BEAN1: variants seen among roughly 807,000 people sequenced by gnomAD.
The protein encoded by BEAN1 is protein BEAN1.
BEAN1 carries 17 observed loss-of-function variants against 17.7 expected under a neutral mutation model. The ratio of observed to expected loss-of-function variants is 0.96; its 90% confidence interval spans 0.66 to 1.44. The LOEUF is 1.44. Ranked by LOEUF, BEAN1 falls within the 40% of genes most tolerant of loss-of-function variation. The pLI is 0.00. For missense variants in BEAN1, 359 were observed against 374.1 expected (o/e 0.96, Z 0.33); for synonymous variants, 142 against 151.8 (o/e 0.94, Z 0.47).
At chr16:66,479,850 T>A (rs574428655) in intron 4 of BEAN1, among the ~76,000 whole-genome samples, 1 of 151,802 alleles carries the variant, frequency 6.6e-6, no homozygotes, top group East Asian at 2.0e-4. Flanking sequence ...CCCACAGGAG[T>A]GGCTGTGTCC....
chr16:66,474,642 G>A (rs1469421602), intron 3 of BEAN1, among the ~76,000 whole-genome samples: 2 of 64,620 alleles, frequency 3.1e-5, no homozygotes, highest in Non-Finnish European at 3.0e-5. Context: ...GGGAGGGAGG[G>A]AGGGAGGGGA....
intron 3 of BEAN1, among the ~76,000 whole-genome samples, chr16:66,474,581 A>AAGGGAGGGAGG (rs1963628637): frequency 6.0e-5 from 1 of 16,710 alleles, no homozygotes; most frequent in Non-Finnish European, 9.4e-5. Context: ...AGGGAGGGAG[A>AAGGGAGGGAGG]GAGGGAGGGA....
At chr16:66,472,341 G>T (rs764870715) in intron 3 of BEAN1, among the ~76,000 whole-genome samples, 8 of 152,370 alleles carry the variant, frequency 5.3e-5, no homozygotes, top group Non-Finnish European at 1.5e-5. Flanking sequence ...TGGAGGAAGC[G>T]CTCCATGGGC....
chr16:66,447,015 G>A (rs1342795060), intron 2 of BEAN1, among the ~76,000 whole-genome samples: 1 of 152,164 alleles, frequency 6.6e-6, no homozygotes, highest in Non-Finnish European at 1.5e-5. Context: ...CACACCTGTA[G>A]TCTCAGCACT....
intron 2 of BEAN1, among the ~76,000 whole-genome samples, chr16:66,440,877 C>T (rs942777176): frequency 5.3e-5 from 8 of 152,122 alleles, no homozygotes; most frequent in African/African-American, 1.7e-4. Flanking sequence ...TGGTTTGGGG[C>T]GCTCAAGTCA....
intron 1 of BEAN1, chr16:66,428,342 G>C (rs1961662375): frequency 6.6e-6 from 1 of 152,494 alleles, no homozygotes; most frequent in Admixed American, 6.5e-5. Flanking sequence ...CAAGTAACTG[G>C]TGTGAGAGGC....
At chr16:66,466,220 G>A (rs1440650358) in intron 2 of BEAN1, among the ~76,000 whole-genome samples, 1 of 152,188 alleles carries the variant, frequency 6.6e-6, no homozygotes, top group Non-Finnish European at 1.5e-5. Flanking sequence ...ACTTGAACCT[G>A]GGAGGCAGAG....
intron 2 of BEAN1, among the ~76,000 whole-genome samples, chr16:66,441,077 C>A (rs375346485): frequency 6.6e-6 from 1 of 152,212 alleles, no homozygotes; most frequent in Admixed American, 6.5e-5. Context: ...TTCACTTGTT[C>A]GTGCCGCCAG....
intron 1 of BEAN1, among the ~76,000 whole-genome samples, chr16:66,433,734 G>C (rs887946559): frequency 3.9e-5 from 6 of 152,236 alleles, no homozygotes; most frequent in African/African-American, 1.4e-4. Context: ...GGCAGCAACT[G>C]AGCAGAGGCT....
chr16:66,434,823 A>T lies in BEAN1; in HGVS notation c.-82-2772A>T, dbSNP rs1238531375. Reference sequence around the variant, plus strand: ...CTCCACCCCTCAGTCGTGCGCTTGCATCAGGCTGAGGTTGGCTTGCTCTAG... The same window carrying T: ...CTCCACCCCTCAGTCGTGCGCTTGCTTCAGGCTGAGGTTGGCTTGCTCTAG... On this transcript the variant is annotated intron_variant, in intron 1 of 4. Transcript: ENST00000536005. This position sits in a 1 kb window ranked among gnomAD's most constrained non-coding sequence, Gnocchi z 4.3. Among the ~76,000 whole-genome samples, 1 of 152,142 alleles carries T rather than the reference A, an allele frequency of 6.6e-6. No individual in the cohort carries two copies. Among genetic ancestry groups the T allele is most frequent in the Non-Finnish European group, 1.5e-5 (1 of 68,030 alleles).
intron 4 of BEAN1, among the ~76,000 whole-genome samples, chr16:66,490,409 T>C (rs549059632): frequency 6.5e-5 from 7 of 107,890 alleles, no homozygotes; most frequent in Admixed American, 9.5e-5. Context: ...TAAAATAAAA[T>C]AAAATAAAAT....
intron 2 of BEAN1, among the ~76,000 whole-genome samples, chr16:66,442,863 G>A (rs148225953): frequency 1.4e-4 from 21 of 152,320 alleles, no homozygotes; most frequent in African/African-American, 5.1e-4. Context: ...GGGAGAGGGG[G>A]AAATAGAGAG....
chr16:66,455,768 C>G (rs1238264788), intron 2 of BEAN1, among the ~76,000 whole-genome samples: 3 of 151,924 alleles, frequency 2.0e-5, no homozygotes, highest in Admixed American at 2.0e-4. Flanking sequence ...TTTACCACAG[C>G]CTTGACCTCC....
chr16:66,430,034 A>C (rs1414243842), intron 1 of BEAN1, among the ~76,000 whole-genome samples: 2 of 152,214 alleles, frequency 1.3e-5, no homozygotes, highest in Non-Finnish European at 2.9e-5. Context: ...GTCCATTAGC[A>C]AGCAGGCACA....
downstream of BEAN1, chr16:66,483,884 C>G (rs1172724251): frequency 6.5e-6 from 1 of 153,428 alleles, no homozygotes; most frequent in Non-Finnish European, 1.5e-5. Flanking sequence ...CCTATCACCC[C>G]CACCCTGAGC....
exon 5 of BEAN1, chr16:66,492,962 A>G (rs1284599054): frequency 7.1e-6 from 5 of 702,526 alleles, no homozygotes; most frequent in Non-Finnish European, 1.3e-5. Flanking sequence ...TCTGTTCTAG[A>G]TGTACACTGG....
chr16:66,474,055 G>A (rs1272443768), intron 3 of BEAN1, among the ~76,000 whole-genome samples: 1 of 152,184 alleles, frequency 6.6e-6, no homozygotes, highest in African/African-American at 2.4e-5. Context: ...ATCACCCTGT[G>A]AAGCCCCACA....
At chr16:66,489,664 G>C (rs973870351) in intron 4 of BEAN1, among the ~76,000 whole-genome samples, 9 of 152,154 alleles carry the variant, frequency 5.9e-5, no homozygotes, top group Non-Finnish European at 1.0e-4. Context: ...AGATTTATTA[G>C]AGAAGGTAGG....
At position 66,480,582 on chromosome 16, in the gene BEAN1, G is replaced by A. The variant is rs559175464; in HGVS notation, c.441-4G>A. On this transcript the variant is annotated splice_polypyrimidine_tract_variant and splice_region_variant and intron_variant, in intron 4 of 4. Coordinates refer to ENST00000536005, the MANE Select transcript of BEAN1 (RefSeq NM_001178020.3). Reference sequence around the variant, plus strand: ...GGGCACTGAGGGAGCCTCTTCTCTCGTAGCTACGAGGAGTGTGTGGGGCCA... The same window carrying A: ...GGGCACTGAGGGAGCCTCTTCTCTCATAGCTACGAGGAGTGTGTGGGGCCA... 41 of 1,523,092 alleles carry A rather than the reference G, an allele frequency of 2.7e-5. No homozygotes were observed. The highest frequency in any genetic ancestry group is 1.5e-4 in the African/African-American group (11 of 72,716). 94.3% of individuals were successfully genotyped at this position (1,523,092 alleles called of 1,614,324 possible).
Sources: gnomAD v4.1 joint callset for allele counts (sites outside exome capture counted in the v4.1 genomes callset) on GRCh38, gnomAD v4.1.1 for gene constraint, Gnocchi (gnomAD v3.1) non-coding constraint, MANE v1.5 for transcripts, NCBI Gene and HGNC (gene_info 2026-07-23, HGNC 2026-07-21) for gene names.